Variants in UBA5 observed in about 807,000 individuals in gnomAD.
UBA5 encodes the protein ubiquitin-like modifier-activating enzyme 5.
UBA5 carries 28 observed loss-of-function variants against 52.9 expected under a neutral mutation model. That is an observed-to-expected ratio of 0.53 (90% confidence interval 0.39 to 0.73). UBA5 has a LOEUF of 0.73. Ranked by LOEUF, UBA5 falls within the 30% of genes least tolerant of loss-of-function variation. The pLI, the probability that UBA5 is intolerant of heterozygous loss-of-function variation, is 0.00. For synonymous variants in UBA5, 135 were observed against 162.1 expected, an observed-to-expected ratio of 0.83 and a Z score of 1.27; for missense variants, 388 against 492.7, an observed-to-expected ratio of 0.79 and a Z score of 2.01.
chr3:132,663,639 A>G (rs533948982), intron 1 of UBA5, among the ~76,000 whole-genome samples: 4 of 152,286 alleles, frequency 2.6e-5, no homozygotes, highest in African/African-American at 9.6e-5. Flanking sequence ...TCTCAACTAA[A>G]TAGTCTGGCC....
In UBA5 at chr3:132,660,518, T is replaced by C; in HGVS notation, c.-20T>C. 6.5e-7 allele frequency: 1 copy of C among 1,547,004 alleles called. No homozygotes were observed. On this transcript the variant is annotated 5_prime_UTR_variant, in exon 1 of 12. Transcript: ENST00000356232. The surrounding 1 kb of genome is among the most constrained non-coding windows in gnomAD (Gnocchi z 4.1). ...CGGCGAAGGCCCGGGCTGGGAGCGTTGGCGGCCGGAGTCCCAGCCATGGCG... is the reference window on the plus strand; with the variant it reads ...CGGCGAAGGCCCGGGCTGGGAGCGTCGGCGGCCGGAGTCCCAGCCATGGCG...
rs374754263 is a variant in UBA5 at position 132,675,654 on chromosome 3, A to G, written c.998A>G (p.Glu333Gly). 1.2e-6 allele frequency: 2 copies of G among 1,612,716 alleles called. No individual in the cohort carries two copies. The highest frequency in any genetic ancestry group is 2.7e-5 in the African/African-American group (2 of 75,020). The change falls in exon 10 of 12, where the codon GAG becomes GGG. Residue 333 changes from glutamate to glycine, a missense_variant. Physicochemically the swap from Glu to Gly is moderately conservative, Grantham distance 98. Coordinates refer to ENST00000356232, the MANE Select transcript of UBA5 (RefSeq NM_024818.6). Reference protein sequence around the residue: ...PKQEVIQEEEEIIHEDNEWGI... With the variant: ...PKQEVIQEEEGIIHEDNEWGI... ...CAAGAGGTTATACAAGAAGAGGAAG[A>G]GATAATCCATGAAGATAATGAATGG...
chr3:132,655,263 G>A (rs1292921585), intron 1 of UBA5, among the ~76,000 whole-genome samples: 2 of 152,068 alleles, frequency 1.3e-5, no homozygotes, highest in African/African-American at 4.8e-5. Context: ...TCTGCCCTTG[G>A]CCCCTTCAGT....
intron 1 of UBA5, among the ~76,000 whole-genome samples, chr3:132,662,532 G>C (rs1938211293): frequency 6.6e-6 from 1 of 152,118 alleles, no homozygotes; most frequent in Non-Finnish European, 1.5e-5. Flanking sequence ...ACAGGTTATT[G>C]AATTATGATA....
intron 1 of UBA5, among the ~76,000 whole-genome samples, chr3:132,655,058 A>T: frequency 6.6e-6 from 1 of 152,236 alleles, no homozygotes; most frequent in East Asian, 1.9e-4. Context: ...TAGAAAAGGT[A>T]CAGTAAAAAC....
At chr3:132,673,648 TAG>T (rs1196136982) in intron 8 of UBA5, among the ~76,000 whole-genome samples, 1 of 151,174 alleles carries the variant, frequency 6.6e-6, no homozygotes, top group African/African-American at 2.4e-5. Context: ...GTGCCCAGCC[TAG>T]AGTTTTCTAT....
In UBA5 at chr3:132,679,249, CAGAGTG is replaced by C. The variant is rs1559997234; in HGVS notation, c.*2727_*2732del. On this transcript the variant is annotated 3_prime_UTR_variant, in exon 12 of 12. Coordinates refer to ENST00000356232, the MANE Select transcript of UBA5 (RefSeq NM_024818.6). ...TGCCACTGCACTCCAGTCTGGAAAA[CAGAGTG>C]AGACTCTGTCTCAAAAAAAAAGGTA... Among the ~76,000 whole-genome samples, 3 of 151,802 alleles carry C rather than the reference CAGAGTG, an allele frequency of 2.0e-5. No individual in the cohort carries two copies. The highest frequency in any genetic ancestry group is 4.4e-5 in the Non-Finnish European group (3 of 67,946).
chr3:132,671,175 A>G lies in UBA5; in HGVS notation c.579+126A>G, dbSNP rs1187277766. ...AACCCTTTTCTGTGTTTTATTTGTA[A>G]TGTTCTCTTAGCCTACTCTTAAAAT... On this transcript the variant is annotated intron_variant, in intron 6 of 11. Transcript: ENST00000356232. The G allele has an allele frequency of 1.3e-5, 10 of 760,086 alleles. No individual in the cohort carries two copies. In the Admixed American group the frequency reaches 2.3e-4, roughly 17 times the overall value. The allele number at this position is 760,086 out of a possible 1,614,324, so 47.1% of individuals were successfully genotyped here.
At chr3:132,674,513 C>A (rs1256829555) in intron 8 of UBA5, among the ~76,000 whole-genome samples, 1 of 152,050 alleles carries the variant, frequency 6.6e-6, no homozygotes, top group East Asian at 1.9e-4. Flanking sequence ...CATGGCAAAG[C>A]CCCATCTTTA....
intron 9 of UBA5, 106 bp from the exon 10 acceptor site, chr3:132,675,498 GT>G: frequency 6.6e-7 from 1 of 1,514,212 alleles, no homozygotes; most frequent in Non-Finnish European, 9.0e-7. Context: ...AAAAATGAAT[GT>G]TCTTTCTTGC....
intron 8 of UBA5, among the ~76,000 whole-genome samples, chr3:132,674,586 G>A (rs1938751312): frequency 6.6e-6 from 1 of 152,178 alleles, no homozygotes; most frequent in South Asian, 2.1e-4. Flanking sequence ...CAGCTACTTG[G>A]GAGGCTGAGA....
intron 1 of UBA5, among the ~76,000 whole-genome samples, chr3:132,662,720 T>G (rs1276564096): frequency 1.3e-5 from 2 of 152,216 alleles, no homozygotes; most frequent in Admixed American, 6.5e-5. Flanking sequence ...AATATAGTTA[T>G]AAGCATGTGG....
At chr3:132,673,480 T>C in intron 8 of UBA5, among the ~76,000 whole-genome samples, 1 of 152,080 alleles carries the variant, frequency 6.6e-6, no homozygotes, top group Non-Finnish European at 1.5e-5. Context: ...TCCAAGTAGT[T>C]GGAAGTACGA....
At chr3:132,663,466 A>T (rs1008153280) in intron 1 of UBA5, among the ~76,000 whole-genome samples, 3 of 152,182 alleles carry the variant, frequency 2.0e-5, no homozygotes, top group Non-Finnish European at 2.9e-5. Context: ...ATGTAAACTA[A>T]ATGCTTACAT....
upstream of UBA5, chr3:132,659,943 G>C (rs1938050011): frequency 5.0e-6 from 3 of 595,130 alleles, no homozygotes; most frequent in Non-Finnish European, 8.2e-6. Flanking sequence ...TTTAGCTCTA[G>C]TCAAGTGCCA....
At position 132,671,092 on chromosome 3, in the gene UBA5, G is replaced by C. The variant is rs1194376133; in HGVS notation, c.579+43G>C. 3 of 1,515,162 alleles carry C rather than the reference G, an allele frequency of 2.0e-6. No individual in the cohort carries two copies. The Admixed American group carries it at 5.1e-5, about 26-fold the overall frequency. The allele number at this position is 1,515,162 out of a possible 1,614,324, so 93.9% of individuals were successfully genotyped here. A position where few individuals can be genotyped will look rare whatever the true frequency, so the allele number is the denominator to read the frequency against. On this transcript the variant is annotated intron_variant, in intron 6 of 11. Transcript: ENST00000356232. The stretch of plus-strand genomic sequence containing the variant: ...GCAAGATATATTCATGGATTTATCT[G>C]TTTTCCTGTATATTCTATCAGTATA...
intron 4 of UBA5, among the ~76,000 whole-genome samples, chr3:132,669,652 C>T (rs1039344276): frequency 2.0e-5 from 3 of 152,302 alleles, no homozygotes; most frequent in Admixed American, 6.5e-5. Flanking sequence ...AGTCTGAAGG[C>T]TGCACAAAAA....
intron 5 of UBA5, chr3:132,670,644 AC>A: frequency 4.4e-6 from 1 of 227,908 alleles, no homozygotes; most frequent in East Asian, 1.1e-4. Context: ...AGCTTTTATT[AC>A]ATTTGTAATG....
At chr3:132,675,733 G>A in intron 10 of UBA5, 53 bp downstream of exon 10, 1 of 1,541,438 alleles carries the variant, frequency 6.5e-7, no homozygotes, top group Non-Finnish European at 8.9e-7. Flanking sequence ...ACCTTTTATG[G>A]TAGCAAATCT....
Sources: gnomAD v4.1 joint callset for allele counts (sites outside exome capture counted in the v4.1 genomes callset) on GRCh38, gnomAD v4.1.1 for gene constraint, Gnocchi (gnomAD v3.1) non-coding constraint, MANE v1.5 for transcripts, NCBI Gene and HGNC (gene_info 2026-07-23, HGNC 2026-07-21) for gene names.